The following MEIS2 variants were observed in gnomAD, a reference collection of about 807,000 sequenced individuals.
MEIS2 encodes the protein homeobox protein Meis2.
A neutral mutation model predicts 58.6 loss-of-function variants in MEIS2; 9 were observed. The ratio of observed to expected loss-of-function variants is 0.15; its 90% CI spans 0.09 to 0.27. MEIS2 has a LOEUF of 0.27. MEIS2 is among the 10% of genes least tolerant of loss of function. MEIS2 has a pLI of 1.00. For synonymous variants in MEIS2, 221 were observed against 228.4 expected, an observed-to-expected ratio of 0.97 and a Z score of 0.29; for missense variants, 427 against 635.0, an observed-to-expected ratio of 0.67 and a Z score of 3.52.
intron 8 of MEIS2, among the ~76,000 whole-genome samples, chr15:36,963,288 G>T (rs2059248495): frequency 6.6e-6 from 1 of 152,170 alleles, no homozygotes; most frequent in East Asian, 1.9e-4. Context: ...GCTGAGGCAG[G>T]AGAATCGCTT....
chr15:36,895,276 T>C lies in MEIS2; in HGVS notation c.1037-15A>G, dbSNP rs760148519. 44 of 1,605,182 alleles carry C rather than the reference T, an allele frequency of 2.7e-5. No individual in the cohort carries two copies. In the Admixed American group the frequency reaches 7.3e-4, roughly 27 times the overall value. On this transcript the variant is annotated splice_polypyrimidine_tract_variant and intron_variant, in intron 10 of 11. Transcript: ENST00000561208. ...AAGAAGAAAACCTGATTGTGGTCAT[T>C]CGAGGACACAGAGGAGAAAGAAGAA...
intron 8 of MEIS2, among the ~76,000 whole-genome samples, chr15:37,009,693 G>T (rs1312098829): frequency 6.6e-6 from 1 of 152,138 alleles, no homozygotes; most frequent in Non-Finnish European, 1.5e-5. Context: ...TAGTCTCTCT[G>T]ATACTTCACA....
In MEIS2 at chr15:37,096,367, G is replaced by C; in HGVS notation, c.309C>G (p.Pro103=). 1 of 1,613,972 alleles carries C rather than the reference G, an allele frequency of 6.2e-7. No individual in the cohort carries two copies. Among genetic ancestry groups the C allele is most frequent in the Non-Finnish European group, 8.5e-7 (1 of 1,179,954 alleles). The part of the protein sequence containing the change: ...FEKCELATCT[P]REPGVAGGDV... ...CTCCGCCAGCCACTCCAGGTTCCCG[G>C]GGAGTGCAGGTCGCCAGCTCGCACT... The change falls in exon 3 of 12, where the codon CCC becomes CCG. Residue 103 remains proline, a synonymous_variant. Transcript: ENST00000561208.
intron 8 of MEIS2, among the ~76,000 whole-genome samples, chr15:36,975,684 G>C (rs1360574622): frequency 6.6e-6 from 1 of 152,038 alleles, no homozygotes; most frequent in Non-Finnish European, 1.5e-5. Context: ...GTTTTGGCTG[G>C]CACACAATAG....
intron 8 of MEIS2, among the ~76,000 whole-genome samples, chr15:36,957,927 T>A (rs2059043616): frequency 6.6e-6 from 1 of 152,222 alleles, no homozygotes. Context: ...TTTGAAAACA[T>A]CTCTGAATTT....
chr15:37,033,263 G>GA (rs939374500), intron 8 of MEIS2, among the ~76,000 whole-genome samples: 16 of 147,928 alleles, frequency 1.1e-4, no homozygotes, highest in East Asian at 3.9e-4. Context: ...TGGGTGTTTG[G>GA]AAAAAAAAAA....
rs1728107117 is a variant in MEIS2, at chr15:36,890,685, C to A, written c.*1488G>T. ...TTATTTCTTATGTTGTAAAATTAACCCTGAAAAGTCCTTTATTCTGGCAGA... is the reference window on the plus strand; with the variant it reads ...TTATTTCTTATGTTGTAAAATTAACACTGAAAAGTCCTTTATTCTGGCAGA... On this transcript the variant is annotated 3_prime_UTR_variant, in exon 12 of 12. Transcript: ENST00000561208. 3 of 152,110 alleles carry A rather than the reference C, an allele frequency of 2.0e-5. No individual in the cohort carries two copies. Among genetic ancestry groups the A allele is most frequent in the Admixed American group, 2.0e-4 (3 of 15,272 alleles). 9.4% of individuals were successfully genotyped at this position (152,110 alleles called of 1,614,324 possible). A position where few individuals can be genotyped will look rare whatever the true frequency, so the allele number is the denominator to read the frequency against.
intron 9 of MEIS2, among the ~76,000 whole-genome samples, chr15:36,927,086 A>T (rs2057778263): frequency 6.6e-6 from 1 of 152,208 alleles, no homozygotes; most frequent in Non-Finnish European, 1.5e-5. Flanking sequence ...TGTGCTTGGC[A>T]TTCTTTACAA....
At chr15:37,054,355 A>G (rs1019198478) in intron 7 of MEIS2, among the ~76,000 whole-genome samples, 1 of 152,238 alleles carries the variant, frequency 6.6e-6, no homozygotes, top group African/African-American at 2.4e-5. Flanking sequence ...TTTTACACAC[A>G]GAAAACTTGC....
intron 7 of MEIS2, among the ~76,000 whole-genome samples, chr15:37,058,562 A>G (rs1479561805): frequency 6.6e-6 from 1 of 152,200 alleles, no homozygotes; most frequent in Non-Finnish European, 1.5e-5. Flanking sequence ...CAGTTGTCAA[A>G]AGGTTGTATC....
chr15:36,988,469 A>C (rs2141540712), intron 8 of MEIS2, among the ~76,000 whole-genome samples: 1 of 150,720 alleles, frequency 6.6e-6, no homozygotes, highest in South Asian at 2.1e-4. Context: ...TCAGACAGCA[A>C]AAATATTGTT....
intron 8 of MEIS2, among the ~76,000 whole-genome samples, chr15:37,005,306 A>C (rs1434831049): frequency 6.6e-6 from 1 of 152,184 alleles, no homozygotes; most frequent in Non-Finnish European, 1.5e-5. Flanking sequence ...TAAGATGATA[A>C]AAAACGAATA....
At chr15:37,074,085 C>T (rs1001901208) in intron 7 of MEIS2, among the ~76,000 whole-genome samples, 2 of 151,874 alleles carry the variant, frequency 1.3e-5, no homozygotes, top group East Asian at 1.9e-4. Flanking sequence ...TAATAATGAT[C>T]GTTTATTGTT....
chr15:36,997,237 C>T (rs922586907), intron 8 of MEIS2, among the ~76,000 whole-genome samples: 4 of 152,174 alleles, frequency 2.6e-5, no homozygotes, highest in African/African-American at 9.7e-5. Flanking sequence ...GAATGAAACT[C>T]AGCTAATGGC....
intron 9 of MEIS2, among the ~76,000 whole-genome samples, chr15:36,904,319 C>T (rs1195445665): frequency 6.6e-6 from 1 of 151,284 alleles, no homozygotes; most frequent in African/African-American, 2.4e-5. Context: ...CTTCCTCCCA[C>T]CCCCACCATT....
At chr15:36,930,231 GAGAAAA>G (rs911752685) in intron 9 of MEIS2, among the ~76,000 whole-genome samples, 4 of 146,092 alleles carry the variant, frequency 2.7e-5, no homozygotes, top group African/African-American at 1.0e-4. Flanking sequence ...GAGAGAGAGA[GAGAAAA>G]AAAAAGTTAT....
chr15:36,911,784 C>T (rs927181883), intron 9 of MEIS2, among the ~76,000 whole-genome samples: 1 of 152,118 alleles, frequency 6.6e-6, no homozygotes, highest in African/African-American at 2.4e-5. Flanking sequence ...CTTATTGACT[C>T]CAGGGAGCAC....
At chr15:36,914,303 T>C (rs2057174630) in intron 9 of MEIS2, among the ~76,000 whole-genome samples, 2 of 152,260 alleles carry the variant, frequency 1.3e-5, no homozygotes, top group African/African-American at 2.4e-5. Context: ...ATCTCTGCTG[T>C]AGGCAAATAT....
chr15:37,095,642 C>T, intron 3 of MEIS2, 28 bp from the exon 4 acceptor site: 1 of 1,614,098 alleles, frequency 6.2e-7, no homozygotes, highest in Non-Finnish European at 8.5e-7. Context: ...TCAACTTGAA[C>T]GATCACCCCA....
Sources: gnomAD v4.1 joint callset for allele counts (sites outside exome capture counted in the v4.1 genomes callset) on GRCh38, gnomAD v4.1.1 for gene constraint, MANE v1.5 for transcripts, NCBI Gene and HGNC (gene_info 2026-07-23, HGNC 2026-07-21) for gene names.